The following PCNX1 variants were observed in gnomAD, a reference collection of about 807,000 sequenced individuals.
PCNX1 encodes the protein pecanex 1.
A neutral mutation model predicts 242.2 loss-of-function variants in PCNX1; 78 were observed. The observed-to-expected ratio is 0.32, with a 90% CI of 0.27 to 0.39. PCNX1 has a LOEUF of 0.39. Among genes scored for constraint, PCNX1 ranks in the 10% least tolerant of loss-of-function variants. The pLI is 1.00. For synonymous variants in PCNX1, 1,024 were observed against 1,032.9 expected (o/e 0.99, Z 0.17); for missense variants, 2,581 against 2,856.5 (o/e 0.90, Z 2.20).
intron 2 of PCNX1, among the ~76,000 whole-genome samples, chr14:70,959,664 A>G (rs2058133481): frequency 6.6e-6 from 1 of 151,072 alleles, no homozygotes; most frequent in East Asian, 2.0e-4. Context: ...AGTCTTTGCT[A>G]TTGTGAATAG....
chr14:71,012,236 A>G (rs45483794), intron 10 of PCNX1: 16,473 of 152,738 alleles, frequency 0.11, 1,046 homozygotes, highest in Middle Eastern at 0.24. Context: ...AGTTGCTGCC[A>G]TCAGATCCAA....
At chr14:71,089,464 G>A (rs1405000968) in intron 30 of PCNX1, 122 bp downstream of exon 30, 1 of 726,172 alleles carries the variant, frequency 1.4e-6, no homozygotes, top group Non-Finnish European at 2.1e-6. Flanking sequence ...AATTTATAAA[G>A]GAAAGAGGTT....
intron 26 of PCNX1, among the ~76,000 whole-genome samples, chr14:71,070,078 A>C (rs2061552355): frequency 6.6e-6 from 1 of 152,246 alleles, no homozygotes; most frequent in African/African-American, 2.4e-5. Context: ...ATCTTCACTT[A>C]GGAGTCAATT....
At chr14:70,988,741 C>A in intron 7 of PCNX1, 42 bp downstream of exon 7, 1 of 1,593,504 alleles carries the variant, frequency 6.3e-7, no homozygotes, top group Non-Finnish European at 8.6e-7. Flanking sequence ...ATGCATGTAA[C>A]AACCCTTCTA....
At chr14:70,941,454 A>G (rs1472672711) in intron 1 of PCNX1, among the ~76,000 whole-genome samples, 3 of 152,212 alleles carry the variant, frequency 2.0e-5, no homozygotes, top group Non-Finnish European at 4.4e-5. Context: ...CAAATATTGC[A>G]GAATGGCAAT....
At chr14:70,915,256 T>G (rs1003116419) in intron 1 of PCNX1, among the ~76,000 whole-genome samples, 3 of 152,174 alleles carry the variant, frequency 2.0e-5, no homozygotes, top group Non-Finnish European at 4.4e-5. Flanking sequence ...TTATCAGAAC[T>G]CAAAGACACT....
At chr14:70,987,640 A>G (rs2059037685) in intron 6 of PCNX1, among the ~76,000 whole-genome samples, 1 of 152,184 alleles carries the variant, frequency 6.6e-6, no homozygotes. Flanking sequence ...TTTAGATCAC[A>G]CAGTTGTTTT....
intron 29 of PCNX1, among the ~76,000 whole-genome samples, chr14:71,088,930 T>A (rs1249745235): frequency 6.6e-6 from 1 of 152,238 alleles, no homozygotes; most frequent in African/African-American, 2.4e-5. Flanking sequence ...TCCGTTAAGC[T>A]TTTCTTAGTT....
At chr14:70,973,677 T>C (rs561008895) in intron 5 of PCNX1, among the ~76,000 whole-genome samples, 66 of 152,260 alleles carry the variant, frequency 4.3e-4, no homozygotes, top group African/African-American at 1.5e-3. Flanking sequence ...ACAACATGTT[T>C]GTATAATTGA....
At chr14:71,039,035 A>G (rs1269893847) in intron 19 of PCNX1, among the ~76,000 whole-genome samples, 1 of 151,630 alleles carries the variant, frequency 6.6e-6, no homozygotes, top group Non-Finnish European at 1.5e-5. Flanking sequence ...GATCACATGG[A>G]CACAGGAAGG....
At chr14:71,097,015 A>G (rs775966583) in intron 30 of PCNX1, among the ~76,000 whole-genome samples, 2 of 152,112 alleles carry the variant, frequency 1.3e-5, no homozygotes, top group Non-Finnish European at 2.9e-5. Flanking sequence ...CCGCACCGGC[A>G]TCTCCTACCC....
At chr14:70,975,805 A>T (rs964019322) in intron 5 of PCNX1, among the ~76,000 whole-genome samples, 2 of 151,880 alleles carry the variant, frequency 1.3e-5, no homozygotes, top group Admixed American at 6.6e-5. Context: ...TTACATTTGT[A>T]TATCTAGTAT....
chr14:71,046,295 A>G (rs892205767), intron 20 of PCNX1, among the ~76,000 whole-genome samples: 5 of 152,114 alleles, frequency 3.3e-5, no homozygotes, highest in African/African-American at 9.7e-5. Flanking sequence ...AAAGACCAAC[A>G]CTTTTCATTA....
At position 70,951,363 on chromosome 14, in the gene PCNX1, T is replaced by G. The variant is rs1020714206; in HGVS notation, c.362+4240T>G. Among the ~76,000 whole-genome samples the G allele has an allele frequency of 1.4e-4, 22 of 151,956 alleles. 1 individual carries two copies. The highest frequency in any genetic ancestry group is 3.6e-4 in the African/African-American group (15 of 41,470). On this transcript the variant is annotated intron_variant, in intron 2 of 35. Coordinates refer to ENST00000304743, the MANE Select transcript of PCNX1 (RefSeq NM_014982.3). ...TACTTTTTTGATATTATTATTTTTTTGGGGGGCGGGGGTTGGTTGGTTGTT... is the reference window on the plus strand; with the variant it reads ...TACTTTTTTGATATTATTATTTTTTGGGGGGGCGGGGGTTGGTTGGTTGTT...
At chr14:70,996,169 TAATA>T (rs1246318761) in intron 8 of PCNX1, among the ~76,000 whole-genome samples, 1 of 152,168 alleles carries the variant, frequency 6.6e-6, no homozygotes, top group Non-Finnish European at 1.5e-5. Context: ...GTTAAAGTGT[TAATA>T]TATGTTCACA....
Position 70,976,372 on chromosome 14 carries a change from C to CTTT in PCNX1, c.605-554_605-552dup, listed in dbSNP as rs869087088. ...TTTGTTGCTCTTTCTTTCTTTCTTT[C>CTTT]TTTTTTTTTTTTTTTTTTGAGACAG... On this transcript the variant is annotated intron_variant, in intron 5 of 35. Transcript: ENST00000304743. 8.5e-5 allele frequency among the ~76,000 whole-genome samples: 7 copies of CTTT among 82,672 alleles called. No homozygotes were observed. The East Asian group carries it at 1.2e-3, about 15-fold the overall frequency. The allele number at this position is 82,672 out of a possible 152,430, so 54.2% of individuals were successfully genotyped here.
At chr14:71,022,045 G>A (rs567997436) in intron 12 of PCNX1, among the ~76,000 whole-genome samples, 7 of 152,148 alleles carry the variant, frequency 4.6e-5, no homozygotes, top group East Asian at 3.9e-4. Context: ...TTTAAAAATA[G>A]CAAATTAATC....
At chr14:71,043,284 C>T (rs1245245504) in intron 19 of PCNX1, among the ~76,000 whole-genome samples, 2 of 152,016 alleles carry the variant, frequency 1.3e-5, no homozygotes, top group Non-Finnish European at 2.9e-5. Flanking sequence ...TGGAAAAGAC[C>T]TCACTGGGTG....
intron 1 of PCNX1, among the ~76,000 whole-genome samples, chr14:70,940,939 A>G (rs2097866): frequency 0.64 from 96,744 of 152,036 alleles, 31,054 homozygotes; most frequent in South Asian, 0.72. Context: ...TTGTGCATGC[A>G]TCACGTAGTT....
Sources: gnomAD v4.1 joint callset for allele counts (sites outside exome capture counted in the v4.1 genomes callset) on GRCh38, gnomAD v4.1.1 for gene constraint, MANE v1.5 for transcripts, NCBI Gene and HGNC (gene_info 2026-07-23, HGNC 2026-07-21) for gene names.